Variants in POC5 observed in about 807,000 individuals in gnomAD.
POC5 encodes the protein centrosomal protein POC5.
A neutral mutation model predicts 62.9 loss-of-function variants in POC5; 48 were observed. The observed-to-expected ratio is 0.76, with a 90% confidence interval of 0.61 to 0.97. The LOEUF is 0.97. POC5 is among the 50% of genes least tolerant of loss of function. POC5 has a pLI of 0.00. For missense variants in POC5, 696 were observed against 679.5 expected (o/e 1.02, Z -0.27); for synonymous variants, 236 against 228.2 (o/e 1.03, Z -0.31).
intron 5 of POC5, among the ~76,000 whole-genome samples, chr5:75,699,333 A>C (rs1432293240): frequency 6.6e-6 from 1 of 152,038 alleles, no homozygotes; most frequent in African/African-American, 2.4e-5. Flanking sequence ...AATACTGGCA[A>C]ACCGAATCCA....
chr5:75,697,027 C>T (rs1776630368), intron 5 of POC5, among the ~76,000 whole-genome samples: 2 of 152,110 alleles, frequency 1.3e-5, no homozygotes, highest in South Asian at 4.1e-4. Flanking sequence ...AAGAAACGAG[C>T]AAAGCCTCCA....
At position 75,702,732 on chromosome 5, in the gene POC5, G is replaced by T; in HGVS notation, c.386C>A (p.Ser129Tyr). ...DFFSSHLLAD[S>Y]SSPATNSSHT... ...ACTAGAATTTGTTGCTGGTGAGGAA[G>T]AGTCAGCTAAAAGATGTGAACTGAA... Residue 129 changes from serine (S) to tyrosine (Y), a missense_variant, in exon 5 of 12, where the codon TCT (serine) becomes TAT (tyrosine). Transcript: ENST00000428202. The T allele has an allele frequency of 1.2e-6, 2 of 1,605,584 alleles. No individual in the cohort carries two copies. Among genetic ancestry groups the T allele is most frequent in the Non-Finnish European group, 8.5e-7 (1 of 1,175,628 alleles).
At chr5:75,677,725 C>T in intron 11 of POC5, 49 bp downstream of exon 11, 1 of 1,465,402 alleles carries the variant, frequency 6.8e-7, no homozygotes, top group South Asian at 1.5e-5. Context: ...AGTCTATGAA[C>T]TCTCAGGAAA....
chr5:75,683,107 C>CT (rs1322297361), intron 10 of POC5, among the ~76,000 whole-genome samples: 15 of 152,164 alleles, frequency 9.9e-5, no homozygotes, highest in Non-Finnish European at 1.8e-4. Flanking sequence ...CTCTTCTTTC[C>CT]TCTTATGTAA....
At chr5:75,674,721 G>T in intron 11 of POC5, 143 bp from the exon 12 acceptor site, 1 of 1,076,962 alleles carries the variant, frequency 9.3e-7, no homozygotes, top group Non-Finnish European at 1.3e-6. Flanking sequence ...TGAAGCAGCT[G>T]TTAATTAGAT....
At chr5:75,710,927 T>C (rs969056673) in intron 2 of POC5, among the ~76,000 whole-genome samples, 5 of 152,136 alleles carry the variant, frequency 3.3e-5, no homozygotes, top group Non-Finnish European at 7.3e-5. Context: ...ACTTCTGCTC[T>C]GGATAAGAGA....
At chr5:75,696,937 C>G (rs1326173942) in intron 5 of POC5, among the ~76,000 whole-genome samples, 3 of 151,728 alleles carry the variant, frequency 2.0e-5, no homozygotes, top group Non-Finnish European at 2.9e-5. Flanking sequence ...ATGCGATCAA[C>G]TGGAAGAAAG....
Position 75,690,472 on chromosome 5 carries a change from A to G in POC5, c.886T>C (p.Trp296Arg), listed in dbSNP as rs377357203. ...CAAGCTCTTTCTACCACATCTTTCC[A>G]CTGCTTTTGCACTACGGAACGCCAG... The part of the protein sequence containing the change: ...KVWRSVVQKQ[W>R]KDVVERACQA... The change falls in exon 8 of 12, where the codon TGG (tryptophan) becomes CGG (arginine). Residue 296 changes from tryptophan (W) to arginine (R), a missense_variant. Physicochemically the swap from Trp to Arg is moderately radical, Grantham distance 101. Transcript: ENST00000428202. 4.3e-6 allele frequency: 7 copies of G among 1,611,052 alleles called. No homozygotes were observed. The highest frequency in any genetic ancestry group is 5.9e-6 in the Non-Finnish European group (7 of 1,178,516).
In POC5 at chr5:75,702,666, A is replaced by C; in HGVS notation, c.452T>G (p.Val151Gly). The C allele has an allele frequency of 3.7e-6, 6 of 1,613,036 alleles. No homozygotes were observed. The highest frequency in any genetic ancestry group is 5.1e-6 in the Non-Finnish European group (6 of 1,179,502). Residue 151 changes from valine to glycine, a missense_variant, in exon 5 of 12, where the codon GTT becomes GGT. Val to Gly is a moderately radical substitution (Grantham distance 109). Transcript: ENST00000428202. Reference protein sequence around the residue: ...AHEILVSDFLVSDENLQKMEN... With the variant: ...AHEILVSDFLGSDENLQKMEN... Reference sequence around the variant, plus strand: ...CATCTTCTGAAGGTTTTCATCAGAAACAAGAAAATCGCTCACAAGTATTTC... The same window carrying C: ...CATCTTCTGAAGGTTTTCATCAGAACCAAGAAAATCGCTCACAAGTATTTC...
intron 10 of POC5, among the ~76,000 whole-genome samples, chr5:75,684,363 A>ATTTTTTTTTTTTTTTTTT (rs749361349): frequency 3.7e-4 from 49 of 132,702 alleles, no homozygotes; most frequent in African/African-American, 1.2e-3. Flanking sequence ...TTCCTACATA[A>ATTTTTTTTTTTTTTTTTT]TTTTTTTTTT....
intron 11 of POC5, among the ~76,000 whole-genome samples, chr5:75,676,972 C>T (rs1775691112): frequency 6.6e-6 from 1 of 152,012 alleles, no homozygotes; most frequent in Admixed American, 6.5e-5. Flanking sequence ...AGAGATATCT[C>T]ATGTATCTTT....
At chr5:75,689,252 T>G (rs147622505) in intron 8 of POC5, 87 bp from the exon 9 acceptor site, 1,181 of 1,394,190 alleles carry the variant, frequency 8.5e-4, no homozygotes, top group Non-Finnish European at 1.1e-3. Flanking sequence ...TTGAGATTAT[T>G]CTCATGTGAA....
At chr5:75,703,938 G>A (rs1777011189) in intron 4 of POC5, among the ~76,000 whole-genome samples, 1 of 152,014 alleles carries the variant, frequency 6.6e-6, no homozygotes, top group Non-Finnish European at 1.5e-5. Flanking sequence ...GGCGAATCAT[G>A]AGGTCAGGAG....
intron 9 of POC5, among the ~76,000 whole-genome samples, chr5:75,686,285 CAG>C (rs943462403): frequency 6.6e-6 from 1 of 152,138 alleles, no homozygotes; most frequent in Non-Finnish European, 1.5e-5. Flanking sequence ...TGGTATCAAA[CAG>C]TGTGGTGAGG....
At chr5:75,702,584 T>C (rs768597224) in intron 5 of POC5, 21 bp downstream of exon 5, 2 of 1,600,320 alleles carry the variant, frequency 1.2e-6, no homozygotes, top group South Asian at 2.2e-5. Flanking sequence ...CAACTGTAAT[T>C]GAAGAACTGC....
intron 10 of POC5, among the ~76,000 whole-genome samples, chr5:75,684,531 A>C (rs1776015473): frequency 6.6e-6 from 1 of 151,790 alleles, no homozygotes; most frequent in Non-Finnish European, 1.5e-5. Flanking sequence ...CGCTCGGCTA[A>C]TTTTTTGTAT....
intron 1 of POC5, among the ~76,000 whole-genome samples, chr5:75,713,235 T>C (rs1005653778): frequency 1.3e-5 from 2 of 152,090 alleles, no homozygotes; most frequent in African/African-American, 4.8e-5. Flanking sequence ...TCTTGAGCAA[T>C]GTGTGACAAC....
At chr5:75,688,523 C>G (rs1037170797) in intron 9 of POC5, among the ~76,000 whole-genome samples, 14 of 152,090 alleles carry the variant, frequency 9.2e-5, no homozygotes, top group Non-Finnish European at 1.6e-4. Context: ...AAAATTACTT[C>G]TATAGATAGG....
intron 10 of POC5, among the ~76,000 whole-genome samples, chr5:75,681,484 T>C (rs1775865282): frequency 6.6e-6 from 1 of 152,090 alleles, no homozygotes; most frequent in African/African-American, 2.4e-5. Flanking sequence ...TATGCTTGCT[T>C]GTATAACTGT....
Sources: allele counts gnomAD v4.1 joint callset (sites outside exome capture counted in the v4.1 genomes callset), GRCh38; gene constraint gnomAD v4.1.1; transcripts MANE v1.5; gene names NCBI Gene and HGNC (gene_info 2026-07-23, HGNC 2026-07-21).